Variants in ZNF592 observed in about 807,000 individuals in gnomAD.
ZNF592 encodes spinocerebellar ataxia, autosomal recessive 5.
In ZNF592, 11 loss-of-function variants were observed where a neutral mutation model predicts 80.3. The observed-to-expected ratio is 0.14, with a 90% CI of 0.09 to 0.23. The LOEUF (loss-of-function observed/expected upper bound fraction) is 0.23. Among genes scored for constraint, ZNF592 ranks in the 10% least tolerant of loss-of-function variants. ZNF592 has a pLI of 1.00. For missense variants in ZNF592, 1,420 were observed against 1,633.9 expected (o/e 0.87, Z 2.26); for synonymous variants, 646 against 640.3 (o/e 1.01, Z -0.13).
intron 1 of ZNF592, among the ~76,000 whole-genome samples, chr15:84,760,256 A>G (rs189525833): frequency 6.6e-6 from 1 of 152,158 alleles, no homozygotes; most frequent in African/African-American, 2.4e-5. Flanking sequence ...GCCTGCCATC[A>G]TCTGCTTCCC....
At chr15:84,766,621 CAGAG>C (rs1218857666) in intron 2 of ZNF592, among the ~76,000 whole-genome samples, 5 of 147,330 alleles carry the variant, frequency 3.4e-5, no homozygotes, top group South Asian at 4.3e-4. Context: ...GATAGAGAGA[CAGAG>C]AGAGAGAGGA....
chr15:84,755,124 ATT>A lies in ZNF592; in HGVS notation c.-259+6480_-259+6481del, dbSNP rs34356102. On this transcript the variant is annotated intron_variant, in intron 1 of 10. Coordinates refer to ENST00000560079, the MANE Select transcript of ZNF592 (RefSeq NM_014630.3). ...AGGCGTCCATCACCACACCCAGCTAATTTTTTTTTTTTTTTTTTTTTAGTAGA... is the reference window on the plus strand; with the variant it reads ...AGGCGTCCATCACCACACCCAGCTAATTTTTTTTTTTTTTTTTTTAGTAGA... Among the ~76,000 whole-genome samples, 396 of 115,570 alleles carry A rather than the reference ATT, an allele frequency of 3.4e-3. 2 individuals are homozygous for A. Among genetic ancestry groups the A allele is most frequent in the Middle Eastern group, 0.013 (3 of 234 alleles). The allele number at this position is 115,570 out of a possible 152,430, so 75.8% of individuals were successfully genotyped here.
chr15:84,768,995 C>T (rs905308457), intron 2 of ZNF592, among the ~76,000 whole-genome samples: 14 of 152,242 alleles, frequency 9.2e-5, no homozygotes, highest in Admixed American at 7.8e-4. Context: ...GACTGGAGTG[C>T]AATAGCACGA....
rs1963012052 is a variant in ZNF592, at chr15:84,798,942, C to T, written c.3024+67C>T. On this transcript the variant is annotated intron_variant, in intron 8 of 10. Coordinates refer to ENST00000560079, the MANE Select transcript of ZNF592 (RefSeq NM_014630.3). The surrounding 1 kb of genome is among the most constrained non-coding windows in gnomAD (Gnocchi z 4.5). ...TGGACTTCCTTCTGTGAAGCCAGAA[C>T]CCCTAGGGTTCCTGGTGCTTAGGGC... is the stretch of plus-strand genomic sequence containing the variant. The T allele has an allele frequency of 6.3e-7, 1 of 1,597,784 alleles. No homozygotes were observed. Among genetic ancestry groups the T allele is most frequent in the South Asian group, 1.1e-5 (1 of 90,762 alleles).
chr15:84,751,653 C>A (rs547863743), intron 1 of ZNF592, among the ~76,000 whole-genome samples: 34 of 151,188 alleles, frequency 2.2e-4, no homozygotes, highest in Non-Finnish European at 4.7e-4. Context: ...GTCTGTAATC[C>A]CAGCACTGTG....
intron 2 of ZNF592, among the ~76,000 whole-genome samples, chr15:84,775,782 G>A (rs1336188501): frequency 1.3e-5 from 2 of 152,190 alleles, no homozygotes; most frequent in Non-Finnish European, 2.9e-5. Context: ...GATTCGGCAT[G>A]CTGAGGCCCT....
chr15:84,782,350 G>GGA (rs1274502607), intron 3 of ZNF592, among the ~76,000 whole-genome samples: 1 of 152,132 alleles, frequency 6.6e-6, no homozygotes, highest in Non-Finnish European at 1.5e-5. Context: ...AGAAGCTGAG[G>GGA]GAGTATGGTA....
chr15:84,774,517 A>G (rs898186167), intron 2 of ZNF592, among the ~76,000 whole-genome samples: 15 of 152,246 alleles, frequency 9.9e-5, no homozygotes, highest in African/African-American at 3.4e-4. Flanking sequence ...ATTCTAGGTA[A>G]TTTATGAAAG....
intron 1 of ZNF592, among the ~76,000 whole-genome samples, chr15:84,755,447 T>A (rs1427305350): frequency 6.6e-6 from 1 of 151,972 alleles, no homozygotes; most frequent in Non-Finnish European, 1.5e-5. Flanking sequence ...CTTTTTTGAG[T>A]AGTCCAGAGG....
chr15:84,777,098 C>T (rs1962275549), intron 2 of ZNF592, among the ~76,000 whole-genome samples: 1 of 151,570 alleles, frequency 6.6e-6, no homozygotes, highest in Non-Finnish European at 1.5e-5. Flanking sequence ...GTAAGAAGCT[C>T]CTTAAATTTT....
chr15:84,763,028 T>C (rs1482236001), intron 1 of ZNF592, among the ~76,000 whole-genome samples: 1 of 152,118 alleles, frequency 6.6e-6, no homozygotes, highest in African/African-American at 2.4e-5. Flanking sequence ...AATACCAAAT[T>C]GAAGGAAAAT....
chr15:84,777,814 T>G (rs952607808), intron 2 of ZNF592, among the ~76,000 whole-genome samples: 16 of 151,002 alleles, frequency 1.1e-4, no homozygotes, highest in African/African-American at 3.2e-4. Flanking sequence ...ATTCCCCTGC[T>G]TCAGCCTCCC....
intron 2 of ZNF592, among the ~76,000 whole-genome samples, chr15:84,765,547 T>TG (rs1555429234): frequency 0.012 from 1,663 of 143,852 alleles, 32 homozygotes; most frequent in African/African-American, 0.04. Flanking sequence ...TTTTTTTTTT[T>TG]TTTTTTTTTT....
intron 5 of ZNF592, 96 bp from the exon 6 acceptor site, chr15:84,797,773 C>T (rs1304571261): frequency 5.6e-6 from 8 of 1,416,478 alleles, no homozygotes; most frequent in Non-Finnish European, 8.0e-6. Context: ...CTGGATAGTT[C>T]TGTTCCTCTT....
At position 84,782,965 on chromosome 15, in the gene ZNF592, G is replaced by A. The variant is rs577792115; in HGVS notation, c.290G>A (p.Gly97Asp). The change falls in exon 4 of 11, where the codon GGC (glycine) becomes GAC (aspartate). Residue 97 changes from glycine to aspartate, a missense_variant. Physicochemically the swap from Gly to Asp is moderately conservative, Grantham distance 94. This residue lies in a region of ZNF592 where 373 missense variants were observed against 355.5 expected (regional missense o/e 1.05). Transcript: ENST00000560079. ...AGTCTCCTACACAATGGATTCCGGG[G>A]CTCAGATCTGCCTCCAGATCCCCAC... ...TPSLLHNGFR[G>D]SDLPPDPHNC... 16 of 1,614,102 alleles carry A rather than the reference G, an allele frequency of 9.9e-6. No individual in the cohort carries two copies. Among genetic ancestry groups the A allele is most frequent in the South Asian group, 7.7e-5 (7 of 91,068 alleles).
intron 5 of ZNF592, among the ~76,000 whole-genome samples, chr15:84,797,541 C>T (rs1292451854): frequency 1.3e-5 from 2 of 152,238 alleles, no homozygotes; most frequent in East Asian, 3.8e-4. Context: ...TTTCTTCCCT[C>T]TCCACTTCCA....
intron 4 of ZNF592, among the ~76,000 whole-genome samples, chr15:84,788,944 C>T (rs1390187322): frequency 2.6e-5 from 4 of 151,904 alleles, no homozygotes; most frequent in Non-Finnish European, 5.9e-5. Context: ...GGCATGGTGG[C>T]TCACACCTGT....
rs1377906040 is a variant in ZNF592, at chr15:84,803,108, C to T, written c.*715C>T. 4 of 152,504 alleles carry T rather than the reference C, an allele frequency of 2.6e-5. No individual in the cohort carries two copies. The highest frequency in any genetic ancestry group is 2.6e-4 in the Admixed American group (4 of 15,270). The allele number at this position is 152,504 out of a possible 1,614,324, so 9.4% of individuals were successfully genotyped here. A position where few individuals can be genotyped will look rare whatever the true frequency, so the allele number is the denominator to read the frequency against. ...AAGAACCAGACCCCTTGAGAAGGCG[C>T]TGTGGGTGGGTCTTTGTTCTGCTGT... is the stretch of plus-strand genomic sequence containing the variant. On this transcript the variant is annotated 3_prime_UTR_variant, in exon 11 of 11. Coordinates refer to ENST00000560079, the MANE Select transcript of ZNF592 (RefSeq NM_014630.3).
chr15:84,804,101 CAG>C lies in ZNF592; in HGVS notation c.*1714_*1715del, dbSNP rs1963179421. ...GCAGTGGGAAAGGTTGCCTCACTTT[CAG>C]AGAGACTCTCGCTGTCTGCACCCTT... On this transcript the variant is annotated 3_prime_UTR_variant, in exon 11 of 11. Transcript: ENST00000560079. The C allele has an allele frequency of 6.6e-6, 1 of 152,250 alleles. No individual in the cohort carries two copies. The highest frequency in any genetic ancestry group is 2.4e-5 in the African/African-American group (1 of 41,464). 9.4% of individuals were successfully genotyped at this position (152,250 alleles called of 1,614,324 possible).
Sources: gnomAD v4.1 joint callset for allele counts (sites outside exome capture counted in the v4.1 genomes callset) on GRCh38, gnomAD v4.1.1 for gene constraint, gnomAD v4.1.1 regional missense constraint, Gnocchi (gnomAD v3.1) non-coding constraint, MANE v1.5 for transcripts, NCBI Gene and HGNC (gene_info 2026-07-23, HGNC 2026-07-21) for gene names.